LRPPRC: variants seen among roughly 807,000 people sequenced by gnomAD.
LRPPRC encodes leucine rich pentatricopeptide repeat containing, also known as leucine-rich PPR motif-containing protein, mitochondrial.
A neutral mutation model predicts 180.3 loss-of-function variants in LRPPRC; 120 were observed. The ratio of observed to expected loss-of-function variants is 0.67; its 90% CI spans 0.57 to 0.77. LRPPRC has a LOEUF of 0.77. Among genes scored for constraint, LRPPRC ranks in the 30% least tolerant of loss-of-function variants. LRPPRC has a pLI of 0.00. For missense variants in LRPPRC, 2,012 were observed against 1,657.2 expected, an observed-to-expected ratio of 1.21 and a Z score of -3.72; for synonymous variants, 723 against 600.0, an observed-to-expected ratio of 1.21 and a Z score of -3.00.
intron 14 of LRPPRC, among the ~76,000 whole-genome samples, chr2:43,952,964 T>G (rs1672963082): frequency 6.6e-6 from 1 of 152,360 alleles, no homozygotes; most frequent in East Asian, 1.9e-4. Context: ...AGAATGAGAC[T>G]ACTCATAAAG....
At chr2:43,939,234 T>C (rs555590588) in intron 23 of LRPPRC, among the ~76,000 whole-genome samples, 6 of 151,844 alleles carry the variant, frequency 4.0e-5, no homozygotes, top group African/African-American at 1.2e-4. Flanking sequence ...TGAGCCAAGA[T>C]CGTGCCACTG....
In LRPPRC at chr2:43,887,270, C is replaced by T. The variant is rs1480086067; in HGVS notation, c.*1330G>A. The stretch of plus-strand genomic sequence containing the variant: ...GCCAAGACTCAACGTTGGCCATGCC[C>T]CCTGCTTCCTTAAATCTAACGCCAC... On this transcript the variant is annotated 3_prime_UTR_variant, in exon 38 of 38. Transcript: ENST00000260665. 6.6e-6 allele frequency: 1 copy of T among 152,146 alleles called. No individual in the cohort carries two copies. The highest frequency in any genetic ancestry group is 1.9e-4 in the East Asian group (1 of 5,194). 9.4% of individuals were successfully genotyped at this position (152,146 alleles called of 1,614,324 possible).
In LRPPRC at chr2:43,963,931, C is replaced by T; in HGVS notation, c.1370-225G>A. ...GAAACAGTAAATTTCAAGAAACTAT[C>T]CTTGAAATTATAAGTATAAAGAAAC... On this transcript the variant is annotated intron_variant, in intron 11 of 37. Coordinates refer to ENST00000260665, the MANE Select transcript of LRPPRC (RefSeq NM_133259.4). 3 of 573,984 alleles carry T rather than the reference C, an allele frequency of 5.2e-6. No homozygotes were observed. In the South Asian group the frequency reaches 6.2e-5, roughly 12 times the overall value. 35.6% of individuals were successfully genotyped at this position (573,984 alleles called of 1,614,324 possible). A position where few individuals can be genotyped will look rare whatever the true frequency, so the allele number is the denominator to read the frequency against.
intron 1 of LRPPRC, among the ~76,000 whole-genome samples, chr2:43,990,470 C>T (rs62135123): frequency 0.086 from 13,080 of 152,210 alleles, 646 homozygotes; most frequent in South Asian, 0.14. Flanking sequence ...TACTTAAAAT[C>T]CTCCAACGGC....
intron 1 of LRPPRC, among the ~76,000 whole-genome samples, chr2:43,986,138 T>C (rs1674517227): frequency 6.6e-6 from 1 of 152,136 alleles, no homozygotes; most frequent in African/African-American, 2.4e-5. Flanking sequence ...CATTTTTATT[T>C]ATTTTATTTT....
intron 1 of LRPPRC, among the ~76,000 whole-genome samples, chr2:43,987,775 A>C (rs1349086601): frequency 6.6e-6 from 1 of 152,050 alleles, no homozygotes; most frequent in Non-Finnish European, 1.5e-5. Context: ...TTTTTTCAAA[A>C]ATCCTATCAT....
intron 14 of LRPPRC, among the ~76,000 whole-genome samples, chr2:43,951,371 G>T (rs1056643562): frequency 3.3e-5 from 5 of 152,146 alleles, no homozygotes; most frequent in African/African-American, 1.2e-4. Context: ...ACAGGACAAG[G>T]AAAGTAGAGA....
rs1043886900 is a variant in LRPPRC at position 43,901,463 on chromosome 2, C to G, written c.3426G>C (p.Val1142=). ...DQQQTPSRLA[V]TRVIQALAMK... Reference sequence around the variant, plus strand: ...TGGCCAATGCCTGGATGACACGGGTCACTGCTAACCTAGAAGGGGTCTGCT... The same window carrying G: ...TGGCCAATGCCTGGATGACACGGGTGACTGCTAACCTAGAAGGGGTCTGCT... The change falls in exon 32 of 38, where the codon GTG becomes GTC. Residue 1142 remains valine, a synonymous_variant. Transcript: ENST00000260665. 1 of 1,614,032 alleles carries G rather than the reference C, an allele frequency of 6.2e-7. No individual in the cohort carries two copies. Among genetic ancestry groups the G allele is most frequent in the Non-Finnish European group, 8.5e-7 (1 of 1,179,890 alleles).
intron 19 of LRPPRC, 69 bp from the exon 20 acceptor site, chr2:43,947,439 T>C: frequency 5.1e-6 from 4 of 780,428 alleles, no homozygotes. Flanking sequence ...TTGTCACTCT[T>C]CCCTTTAAAC....
intron 8 of LRPPRC, 25 bp downstream of exon 8, chr2:43,974,589 T>G (rs1330221940): frequency 1.4e-6 from 2 of 1,429,264 alleles, no homozygotes; most frequent in African/African-American, 2.8e-5. Flanking sequence ...ATAAAAATCA[T>G]GTAAATAGAT....
chr2:43,934,199 C>T lies in LRPPRC; in HGVS notation c.2727G>A (p.Lys909=), dbSNP rs528209552. The T allele has an allele frequency of 6.3e-7, 1 of 1,584,172 alleles. No homozygotes were observed. The highest frequency in any genetic ancestry group is 1.7e-5 in the Admixed American group (1 of 59,906). Residue 909 remains lysine, a synonymous_variant, in exon 25 of 38, where the codon AAG becomes AAA. Coordinates refer to ENST00000260665, the MANE Select transcript of LRPPRC (RefSeq NM_133259.4). ...GTAGTTAAAATCACACCTCAATGATCTTCTTGGCCTCTTTGTAATTTCCTG... is the reference window on the plus strand; with the variant it reads ...GTAGTTAAAATCACACCTCAATGATTTTCTTGGCCTCTTTGTAATTTCCTG... ...LQTGNYKEAK[K]IIETPGIRAR...
In LRPPRC at chr2:43,960,606, A is replaced by G. The variant is rs760582352; in HGVS notation, c.1517T>C (p.Met506Thr). ...QENGCLSDSD[M>T]FSQAGLRSEA... ...ACTTCTCAATCCAGCTTGAGAAAAC[A>G]TATCACTATCAGACAGACATCCATT... Residue 506 changes from methionine (M) to threonine (T), a missense_variant, in exon 13 of 38, where the codon ATG (methionine) becomes ACG (threonine). By Grantham distance (81) the Met-to-Thr change is moderately conservative. Coordinates refer to ENST00000260665, the MANE Select transcript of LRPPRC (RefSeq NM_133259.4). 5.6e-6 allele frequency: 9 copies of G among 1,600,460 alleles called. No homozygotes were observed. Among genetic ancestry groups the G allele is most frequent in the East Asian group, 2.2e-5 (1 of 44,778 alleles).
chr2:43,941,016 T>C (rs1436454372), intron 23 of LRPPRC, among the ~76,000 whole-genome samples: 1 of 152,194 alleles, frequency 6.6e-6, no homozygotes, highest in African/African-American at 2.4e-5. Context: ...TTTTTTTCCA[T>C]TCAATGCAAG....
In LRPPRC at chr2:43,975,076, A is replaced by G; in HGVS notation, c.864+15T>C. The G allele has an allele frequency of 6.2e-7, 1 of 1,610,676 alleles. No homozygotes were observed. Among genetic ancestry groups the G allele is most frequent in the Non-Finnish European group, 8.5e-7 (1 of 1,179,022 alleles). On this transcript the variant is annotated intron_variant, in intron 7 of 37. Transcript: ENST00000260665. ...AAATGATTTTAAAGTATGTTTATTT[A>G]GACATAAGTCATACCTGCTTAACAT...
At chr2:43,983,917 C>T (rs1303056362) in intron 1 of LRPPRC, among the ~76,000 whole-genome samples, 1 of 152,046 alleles carries the variant, frequency 6.6e-6, no homozygotes, top group Non-Finnish European at 1.5e-5. Flanking sequence ...TTAGTGATTC[C>T]ACCATCTAGG....
chr2:43,974,039 A>C (rs1356540911), intron 9 of LRPPRC, 111 bp downstream of exon 9: 1 of 1,252,594 alleles, frequency 8.0e-7, no homozygotes, highest in African/African-American at 1.5e-5. Flanking sequence ...CAACACAAGA[A>C]CATTGTTATG....
chr2:43,985,698 G>A (rs1674499558), intron 1 of LRPPRC, among the ~76,000 whole-genome samples: 1 of 152,110 alleles, frequency 6.6e-6, no homozygotes. Context: ...ATGTTCTTTT[G>A]TAGATATACA....
At chr2:43,926,447 A>G (rs1330088727) in intron 25 of LRPPRC, among the ~76,000 whole-genome samples, 1 of 152,148 alleles carries the variant, frequency 6.6e-6, no homozygotes. Context: ...GGCTCACTGC[A>G]ACCTCCGCCT....
chr2:43,959,451 T>C (rs1391066539), intron 13 of LRPPRC, among the ~76,000 whole-genome samples: 1 of 152,226 alleles, frequency 6.6e-6, no homozygotes, highest in Non-Finnish European at 1.5e-5. Context: ...ATAACATTAA[T>C]GAGAGCTTAA....
Sources: allele counts gnomAD v4.1 joint callset (sites outside exome capture counted in the v4.1 genomes callset), GRCh38; gene constraint gnomAD v4.1.1; transcripts MANE v1.5; gene names NCBI Gene and HGNC (gene_info 2026-07-23, HGNC 2026-07-21).